Variants in LRRC4C observed in about 807,000 individuals in gnomAD.
LRRC4C encodes the protein leucine-rich repeat-containing protein 4C.
A neutral mutation model predicts 33.6 loss-of-function variants in LRRC4C; 5 were observed. The observed-to-expected ratio is 0.15, with a 90% CI of 0.08 to 0.31. LRRC4C has a LOEUF of 0.31. LRRC4C is among the 10% of genes least tolerant of loss of function. LRRC4C has a pLI of 1.00. For synonymous variants in LRRC4C, 329 were observed against 302.0 expected (o/e 1.09, Z -0.93); for missense variants, 560 against 796.7 (o/e 0.70, Z 3.58).
At chr11:41,224,349 T>C (rs1167416120) in intron 1 of LRRC4C, among the ~76,000 whole-genome samples, 3 of 152,156 alleles carry the variant, frequency 2.0e-5, no homozygotes, top group Non-Finnish European at 4.4e-5. Flanking sequence ...CATTCACTCA[T>C]GAAAGGTGAG....
intron 2 of LRRC4C, among the ~76,000 whole-genome samples, chr11:40,908,044 C>T (rs1022421508): frequency 1.3e-5 from 2 of 152,096 alleles, no homozygotes; most frequent in Non-Finnish European, 2.9e-5. Flanking sequence ...AGTTTAAGGG[C>T]ACTGCATCAG....
At chr11:40,254,293 AG>A (rs780240708) in intron 4 of LRRC4C, among the ~76,000 whole-genome samples, 3 of 152,364 alleles carry the variant, frequency 2.0e-5, no homozygotes, top group African/African-American at 4.8e-5. Context: ...AGTGCTTAAA[AG>A]TAGACTTAGA....
At chr11:40,264,630 C>T (rs76039428) in intron 4 of LRRC4C, among the ~76,000 whole-genome samples, 1 of 152,286 alleles carries the variant, frequency 6.6e-6, no homozygotes, top group African/African-American at 2.4e-5. Flanking sequence ...AGTCTTCAAC[C>T]TGGTTTGAAG....
chr11:40,480,041 G>A (rs1480693335), intron 3 of LRRC4C, among the ~76,000 whole-genome samples: 1 of 152,092 alleles, frequency 6.6e-6, no homozygotes, highest in African/African-American at 2.4e-5. Flanking sequence ...TATTTGAAAG[G>A]CAATTAAGCT....
chr11:41,227,340 T>C (rs374041899), intron 1 of LRRC4C, among the ~76,000 whole-genome samples: 5 of 151,932 alleles, frequency 3.3e-5, no homozygotes, highest in Admixed American at 2.0e-4. Context: ...AGTTATAGAG[T>C]AAGTACAATA....
chr11:41,096,114 GT>G (rs1940793642), intron 1 of LRRC4C, among the ~76,000 whole-genome samples: 1 of 151,992 alleles, frequency 6.6e-6, no homozygotes, highest in Non-Finnish European at 1.5e-5. Context: ...TGTTCTAGAG[GT>G]CAATGAAATG....
intron 1 of LRRC4C, among the ~76,000 whole-genome samples, chr11:41,233,835 GC>G (rs1947907086): frequency 6.6e-6 from 1 of 151,926 alleles, no homozygotes; most frequent in South Asian, 2.1e-4. Flanking sequence ...TCTAGACTTT[GC>G]TATTTTAACA....
chr11:40,376,066 A>T (rs1330144844), intron 3 of LRRC4C, among the ~76,000 whole-genome samples: 1 of 152,252 alleles, frequency 6.6e-6, no homozygotes, highest in Non-Finnish European at 1.5e-5. Context: ...TGCATGAAAC[A>T]GAAATATTAA....
intron 3 of LRRC4C, among the ~76,000 whole-genome samples, chr11:40,471,885 T>G (rs570752136): frequency 6.6e-6 from 1 of 152,170 alleles, no homozygotes; most frequent in Non-Finnish European, 1.5e-5. Context: ...CACATCGCAC[T>G]TATTCTAAAA....
intron 3 of LRRC4C, among the ~76,000 whole-genome samples, chr11:40,592,610 C>G (rs1409025881): frequency 6.6e-6 from 1 of 152,104 alleles, no homozygotes; most frequent in East Asian, 1.9e-4. Context: ...GTAGAATCTA[C>G]AGGTGAGGGT....
chr11:41,009,239 ATTTTGAATATATATATATG>A (rs1048579688), intron 1 of LRRC4C, among the ~76,000 whole-genome samples: 6 of 151,880 alleles, frequency 4.0e-5, no homozygotes, highest in Admixed American at 3.9e-4. Flanking sequence ...AAACATATAT[ATTTTGAATATATATATATG>A]TTTTGAATAT....
chr11:40,926,112 C>T (rs529924492), intron 2 of LRRC4C, among the ~76,000 whole-genome samples: 23 of 151,832 alleles, frequency 1.5e-4, no homozygotes, highest in Middle Eastern at 3.4e-3. Flanking sequence ...AAGAACTAGT[C>T]AGACTTGAGC....
At chr11:40,282,871 C>T (rs1177463935) in intron 4 of LRRC4C, among the ~76,000 whole-genome samples, 1 of 152,210 alleles carries the variant, frequency 6.6e-6, no homozygotes, top group African/African-American at 2.4e-5. Context: ...CAGGTGTTCA[C>T]ATGTTGTCAA....
intron 1 of LRRC4C, among the ~76,000 whole-genome samples, chr11:41,021,906 A>G (rs928267741): frequency 6.6e-6 from 1 of 151,986 alleles, no homozygotes; most frequent in Non-Finnish European, 1.5e-5. Flanking sequence ...AGTTTCATAT[A>G]TTCTCACTAA....
chr11:40,932,740 T>C (rs1185448339), intron 2 of LRRC4C, among the ~76,000 whole-genome samples: 2 of 152,158 alleles, frequency 1.3e-5, no homozygotes, highest in Non-Finnish European at 2.9e-5. Flanking sequence ...AAGAGGAGGC[T>C]AATTCATTTG....
intron 1 of LRRC4C, among the ~76,000 whole-genome samples, chr11:41,094,837 C>A (rs1940704091): frequency 6.6e-6 from 1 of 152,008 alleles, no homozygotes; most frequent in Admixed American, 6.6e-5. Flanking sequence ...ATTTTTTAAA[C>A]TAGGTGAAAA....
chr11:40,830,565 G>GA (rs1952369050), intron 2 of LRRC4C, among the ~76,000 whole-genome samples: 1 of 152,032 alleles, frequency 6.6e-6, no homozygotes, highest in African/African-American at 2.4e-5. Flanking sequence ...AGTTCTTTAC[G>GA]AAAAATAAAA....
chr11:41,439,645 C>G (rs961393412), intron 1 of LRRC4C, among the ~76,000 whole-genome samples: 4 of 152,010 alleles, frequency 2.6e-5, no homozygotes, highest in African/African-American at 9.7e-5. Context: ...TGATGTTGAG[C>G]ATTTTTTCAT....
chr11:40,535,919 G>T (rs901094547), intron 3 of LRRC4C, among the ~76,000 whole-genome samples: 16 of 152,198 alleles, frequency 1.1e-4, no homozygotes, highest in African/African-American at 3.6e-4. Context: ...TTATTTTGCA[G>T]ACGCTATGCA....
Sources: gnomAD v4.1 joint callset for allele counts (sites outside exome capture counted in the v4.1 genomes callset) on GRCh38, gnomAD v4.1.1 for gene constraint, MANE v1.5 for transcripts, NCBI Gene and HGNC (gene_info 2026-07-23, HGNC 2026-07-21) for gene names.